Variants in PPP1R17 observed in about 807,000 individuals in gnomAD.
PPP1R17 encodes the protein G-substrate.
PPP1R17 carries 12 observed loss-of-function variants against 15.9 expected under a neutral mutation model. The observed-to-expected ratio is 0.75, with a 90% CI of 0.48 to 1.22. The LOEUF (loss-of-function observed/expected upper bound fraction) is 1.22, where lower values mean the gene tolerates loss of function less well. PPP1R17 is among the 50% of genes most tolerant of loss of function. The pLI is 0.00. For synonymous variants in PPP1R17, 63 were observed against 64.5 expected (o/e 0.98, Z 0.11); for missense variants, 211 against 187.3 (o/e 1.13, Z -0.74).
chr7:31,706,498 T>C lies in PPP1R17; in HGVS notation c.389-706T>C, dbSNP rs118127804. Among the ~76,000 whole-genome samples, 1,318 of 152,262 alleles carry C rather than the reference T, an allele frequency of 8.7e-3. 10 individuals carry two copies. Among genetic ancestry groups the C allele is most frequent in the Non-Finnish European group, 0.013 (904 of 68,010 alleles). On this transcript the variant is annotated intron_variant, in intron 4 of 4. Transcript: ENST00000342032. ...GCTTTTAAAAGTGAAGGCATACAGT[T>C]GTATGAAAAGCTCAGTACACTTTCC...
intron 1 of PPP1R17, among the ~76,000 whole-genome samples, chr7:31,691,555 C>G (rs994121816): frequency 3.3e-5 from 5 of 152,060 alleles, no homozygotes; most frequent in Admixed American, 3.3e-4. Context: ...CATATCCATT[C>G]TGGAATTCCA....
chr7:31,702,238 T>C (rs901791481), intron 4 of PPP1R17, among the ~76,000 whole-genome samples: 3 of 151,952 alleles, frequency 2.0e-5, no homozygotes, highest in African/African-American at 7.3e-5. Flanking sequence ...AATAGATTGT[T>C]GTTCCCAAAT....
At position 31,699,044 on chromosome 7, in the gene PPP1R17, C is replaced by G. The variant is rs149440085; in HGVS notation, c.388+1927C>G. On this transcript the variant is annotated intron_variant, in intron 4 of 4. Coordinates refer to ENST00000342032, the MANE Select transcript of PPP1R17 (RefSeq NM_006658.5). ...AAACCCCAAAGAAAAAGTCCTTGCT[C>G]TCATGGTGTTTATATTCTAGGTGGG... 5.1e-3 allele frequency among the ~76,000 whole-genome samples: 772 copies of G among 152,240 alleles called. 8 individuals carry two copies. The highest frequency in any genetic ancestry group is 0.017 in the African/African-American group (707 of 41,534).
Position 31,707,343 on chromosome 7 carries a change from A to G in PPP1R17, c.*60A>G, listed in dbSNP as rs1462032640. On this transcript the variant is annotated 3_prime_UTR_variant, in exon 5 of 5. Transcript: ENST00000342032. The stretch of plus-strand genomic sequence containing the variant: ...AGATTGGTTCCCTGTGGTGACCTAG[A>G]GAAAAAATAGACTTGTTTCTGCTCT... The G allele has an allele frequency of 1.4e-6, 2 of 1,386,970 alleles. No homozygotes were observed. The highest frequency in any genetic ancestry group is 1.4e-5 in the African/African-American group (1 of 69,356). The allele number at this position is 1,386,970 out of a possible 1,614,324, so 85.9% of individuals were successfully genotyped here.
At chr7:31,705,228 C>A (rs1183418838) in intron 4 of PPP1R17, among the ~76,000 whole-genome samples, 1 of 152,050 alleles carries the variant, frequency 6.6e-6, no homozygotes. Context: ...GGAGCAGATT[C>A]TCATATGATT....
chr7:31,705,454 T>C (rs1414496840), intron 4 of PPP1R17, among the ~76,000 whole-genome samples: 1 of 150,268 alleles, frequency 6.7e-6, no homozygotes, highest in Non-Finnish European at 1.5e-5. Context: ...GTGCAGCTGG[T>C]GTACGAGAAA....
intron 4 of PPP1R17, among the ~76,000 whole-genome samples, chr7:31,705,789 G>C (rs1793042095): frequency 6.6e-6 from 1 of 151,878 alleles, no homozygotes; most frequent in South Asian, 2.1e-4. Context: ...GCAGTGGTGG[G>C]GAAGCTGGCT....
chr7:31,702,705 A>G (rs1792904289), intron 4 of PPP1R17, among the ~76,000 whole-genome samples: 1 of 152,220 alleles, frequency 6.6e-6, no homozygotes, highest in African/African-American at 2.4e-5. Flanking sequence ...TGATGAATTC[A>G]TGAGGACTGG....
At chr7:31,699,991 C>T (rs1011953410) in intron 4 of PPP1R17, among the ~76,000 whole-genome samples, 7 of 152,002 alleles carry the variant, frequency 4.6e-5, no homozygotes, top group South Asian at 4.2e-4. Flanking sequence ...CCCTATTCCA[C>T]GAGACACAAA....
intron 4 of PPP1R17, among the ~76,000 whole-genome samples, chr7:31,701,815 G>A (rs765158050): frequency 6.6e-6 from 1 of 152,194 alleles, no homozygotes; most frequent in Non-Finnish European, 1.5e-5. Flanking sequence ...TAGCAATAAA[G>A]TATTTTTAAA....
At position 31,696,981 on chromosome 7, in the gene PPP1R17, T is replaced by C. The variant is rs148183008; in HGVS notation, c.252T>C (p.His84=). Residue 84 remains histidine, a synonymous_variant, in exon 4 of 5, where the codon CAT becomes CAC. Transcript: ENST00000342032. ...PPFIPGVFSE[H]LIKRYDVQER... ...ACCATGCAGGTGTGTTTTCAGAACA[T>C]TTAATTAAAAGATACGATGTTCAAG... is the stretch of plus-strand genomic sequence containing the variant. 2.3e-4 allele frequency: 377 copies of C among 1,614,004 alleles called. No homozygotes were observed. The highest frequency in any genetic ancestry group is 3.1e-4 in the Non-Finnish European group (363 of 1,179,992).
intron 2 of PPP1R17, among the ~76,000 whole-genome samples, chr7:31,694,432 T>G (rs1335248202): frequency 8.4e-6 from 1 of 119,224 alleles, no homozygotes; most frequent in Non-Finnish European, 1.7e-5. Context: ...AATATTAATA[T>G]TATCTCCACT....
At position 31,707,882 on chromosome 7, in the gene PPP1R17, T is replaced by A. The variant is rs915203990; in HGVS notation, c.*599T>A. The A allele has an allele frequency of 6.6e-6, 1 of 152,282 alleles. No individual in the cohort carries two copies. The highest frequency in any genetic ancestry group is 2.4e-5 in the African/African-American group (1 of 41,448). 9.4% of individuals were successfully genotyped at this position (152,282 alleles called of 1,614,324 possible). A position where few individuals can be genotyped will look rare whatever the true frequency, so the allele number is the denominator to read the frequency against. On this transcript the variant is annotated 3_prime_UTR_variant, in exon 5 of 5. Transcript: ENST00000342032. The stretch of plus-strand genomic sequence containing the variant: ...CTGGGGGAGTCAACCCAGCCCACCA[T>A]GCCTTGGCTGATGATACCAGAGGCA...
chr7:31,697,486 T>C (rs1792644469), intron 4 of PPP1R17, among the ~76,000 whole-genome samples: 1 of 152,134 alleles, frequency 6.6e-6, no homozygotes, highest in South Asian at 2.1e-4. Flanking sequence ...TTGGACTAAT[T>C]GGCCAAATCC....
intron 2 of PPP1R17, among the ~76,000 whole-genome samples, chr7:31,693,125 G>A (rs1376082467): frequency 6.6e-6 from 1 of 152,030 alleles, no homozygotes; most frequent in Admixed American, 6.6e-5. Flanking sequence ...GCCTCACGTG[G>A]TTATGACTCC....
In PPP1R17 at chr7:31,690,395, G is replaced by T. The variant is rs541237866; in HGVS notation, c.-36-2011G>T. Among the ~76,000 whole-genome samples the T allele has an allele frequency of 3.5e-3, 528 of 152,270 alleles. 2 individuals are homozygous for T. Among genetic ancestry groups the T allele is most frequent in the African/African-American group, 0.012 (518 of 41,544 alleles). ...GATGAGGAAACTCAGGGTAAGCTCG[G>T]GGGACAGAGAGGGACATATGTTTCT... On this transcript the variant is annotated intron_variant, in intron 1 of 4. Coordinates refer to ENST00000342032, the MANE Select transcript of PPP1R17 (RefSeq NM_006658.5).
intron 4 of PPP1R17, among the ~76,000 whole-genome samples, chr7:31,698,832 T>C (rs1167670499): frequency 6.6e-6 from 1 of 152,198 alleles, no homozygotes; most frequent in Non-Finnish European, 1.5e-5. Context: ...GAGGAAGAGA[T>C]ATTTAAGCAG....
intron 2 of PPP1R17, among the ~76,000 whole-genome samples, chr7:31,694,666 G>A (rs894952562): frequency 5.3e-5 from 8 of 152,122 alleles, no homozygotes; most frequent in Non-Finnish European, 8.8e-5. Flanking sequence ...CATTATGGAA[G>A]AGTGAACCAT....
intron 2 of PPP1R17, among the ~76,000 whole-genome samples, chr7:31,694,939 G>C (rs116584992): frequency 2.0e-5 from 3 of 152,108 alleles, no homozygotes; most frequent in Non-Finnish European, 4.4e-5. Flanking sequence ...AGCCAGGAAC[G>C]GTGAAAAGAC....
Sources: gnomAD v4.1 joint callset for allele counts (sites outside exome capture counted in the v4.1 genomes callset) on GRCh38, gnomAD v4.1.1 for gene constraint, MANE v1.5 for transcripts, NCBI Gene and HGNC (gene_info 2026-07-23, HGNC 2026-07-21) for gene names.